Variants in PRKN observed in about 807,000 individuals in gnomAD.
PRKN encodes the protein E3 ubiquitin-protein ligase parkin.
PRKN carries 56 observed loss-of-function variants against 59.5 expected under a neutral mutation model. The observed-to-expected ratio is 0.94, with a 90% CI of 0.76 to 1.18. The LOEUF is 1.18. Ranked by LOEUF, PRKN falls within the 50% of genes most tolerant of loss-of-function variation. The probability of loss-of-function intolerance (pLI) is 0.00; values close to 1 mark genes in which losing one functional copy is unlikely to be tolerated. For synonymous variants in PRKN, 250 were observed against 222.1 expected, an observed-to-expected ratio of 1.13 and a Z score of -1.12; for missense variants, 657 against 596.4, an observed-to-expected ratio of 1.10 and a Z score of -1.06.
intron 1 of PRKN, among the ~76,000 whole-genome samples, chr6:162,517,222 G>C (rs549353026): frequency 2.0e-5 from 3 of 151,476 alleles, no homozygotes; most frequent in Admixed American, 6.6e-5. Context: ...GGGGTGGGGT[G>C]GGGGAGGGCT....
chr6:162,491,713 A>G (rs1338706831), intron 1 of PRKN, among the ~76,000 whole-genome samples: 1 of 152,164 alleles, frequency 6.6e-6, no homozygotes. Flanking sequence ...TTTGAGGCCC[A>G]TTCGTCACAG....
chr6:162,347,224 A>G (rs1442857109), intron 2 of PRKN, among the ~76,000 whole-genome samples: 5 of 150,110 alleles, frequency 3.3e-5, no homozygotes, highest in Admixed American at 3.3e-4. Flanking sequence ...TGCTTAGTTC[A>G]CTAATTTTCA....
chr6:162,450,230 TGTG>T (rs1562773715), intron 1 of PRKN, among the ~76,000 whole-genome samples: 2 of 151,080 alleles, frequency 1.3e-5, no homozygotes. Flanking sequence ...ATAATGCCCC[TGTG>T]ACAGTAAATC....
At chr6:162,088,892 T>C (rs1779361915) in intron 4 of PRKN, among the ~76,000 whole-genome samples, 1 of 152,088 alleles carries the variant, frequency 6.6e-6, no homozygotes, top group South Asian at 2.1e-4. Context: ...CTACATCACA[T>C]TACATATAAA....
intron 1 of PRKN, among the ~76,000 whole-genome samples, chr6:162,556,384 T>TGTGTGTGTGA (rs1206370254): frequency 8.6e-6 from 1 of 115,870 alleles, no homozygotes; most frequent in African/African-American, 2.7e-5. Flanking sequence ...TGTGTGTGTG[T>TGTGTGTGTGA]GTGTGTGTGT....
chr6:162,663,912 T>C (rs1261460607), intron 1 of PRKN, among the ~76,000 whole-genome samples: 2 of 152,184 alleles, frequency 1.3e-5, no homozygotes, highest in East Asian at 3.9e-4. Flanking sequence ...TTTTGAATAT[T>C]TTATTTCCTC....
Position 161,683,428 on chromosome 6 carries a change from C to T in PRKN, c.871+102344G>A, listed in dbSNP as rs375016943. The stretch of plus-strand genomic sequence containing the variant: ...TCCATTCTAATTGTAAAACAAGTGG[C>T]AAGAGCTAGGCATCTCTGGGACTCC... On this transcript the variant is annotated intron_variant, in intron 7 of 11. Coordinates refer to ENST00000366898, the MANE Select transcript of PRKN (RefSeq NM_004562.3). Among the ~76,000 whole-genome samples the T allele has an allele frequency of 1.4e-4, 22 of 152,348 alleles. No homozygotes were observed. In the South Asian group the frequency reaches 4.6e-3, roughly 32 times the overall value.
rs927255049 is a variant in PRKN at position 162,365,155 on chromosome 6, CAA to C, written c.171+78153_171+78154del. On this transcript the variant is annotated intron_variant, in intron 2 of 11. Transcript: ENST00000366898. ...AAATCCATAATTTAAAAAAATCACACAAAAGTGTATAAAGTAAAAAGTCAAAG... is the reference window on the plus strand; with the variant it reads ...AAATCCATAATTTAAAAAAATCACACAAGTGTATAAAGTAAAAAGTCAAAG... Among the ~76,000 whole-genome samples, 84 of 151,904 alleles carry C rather than the reference CAA, an allele frequency of 5.5e-4. 1 individual carries two copies. Among genetic ancestry groups the C allele is most frequent in the African/African-American group, 1.9e-3 (79 of 41,438 alleles).
intron 4 of PRKN, among the ~76,000 whole-genome samples, chr6:162,192,368 C>T (rs1432212265): frequency 1.4e-5 from 2 of 145,990 alleles, no homozygotes; most frequent in Non-Finnish European, 3.0e-5. Flanking sequence ...ATACAAATAT[C>T]ATAACAATTA....
intron 9 of PRKN, among the ~76,000 whole-genome samples, chr6:161,528,419 C>T (rs1333657788): frequency 6.6e-6 from 1 of 152,132 alleles, no homozygotes; most frequent in Non-Finnish European, 1.5e-5. Context: ...GAGAGGTGAG[C>T]AGTCTTGAAG....
intron 1 of PRKN, among the ~76,000 whole-genome samples, chr6:162,561,629 G>C (rs1002156046): frequency 6.6e-6 from 1 of 152,174 alleles, no homozygotes; most frequent in Non-Finnish European, 1.5e-5. Flanking sequence ...CCCTTACTGG[G>C]GGCGAAGAGC....
chr6:162,467,052 T>C (rs1003500145), intron 1 of PRKN, among the ~76,000 whole-genome samples: 6 of 152,208 alleles, frequency 3.9e-5, no homozygotes, highest in Non-Finnish European at 8.8e-5. Flanking sequence ...CTGGATTCTA[T>C]TATTACGTTT....
Position 161,351,805 on chromosome 6 carries a change from G to C in PRKN, c.1286-1594C>G, listed in dbSNP as rs374141851. ...TGCTATAGAATTTCCCCAAGGTGAA[G>C]CACTTTTAAATGGTGAAGACAATGA... On this transcript the variant is annotated intron_variant, in intron 11 of 11. Transcript: ENST00000366898. Among the ~76,000 whole-genome samples, 22 of 152,290 alleles carry C rather than the reference G, an allele frequency of 1.4e-4. No individual in the cohort carries two copies. The East Asian group carries it at 3.1e-3, about 21-fold the overall frequency.
rs567061008 is a variant in PRKN at position 162,260,340 on chromosome 6, G to A, written c.412+2185C>T. On this transcript the variant is annotated intron_variant, in intron 3 of 11. Coordinates refer to ENST00000366898, the MANE Select transcript of PRKN (RefSeq NM_004562.3). ...TCATAGATCATACAGTACTCTGAAG[G>A]CTGCTGTCATTTACCACATTCCATA... Among the ~76,000 whole-genome samples, 41 of 152,224 alleles carry A rather than the reference G, an allele frequency of 2.7e-4. 1 individual carries two copies. Among genetic ancestry groups the A allele is most frequent in the African/African-American group, 9.1e-4 (38 of 41,546 alleles).
At chr6:162,504,665 C>T (rs1022343758) in intron 1 of PRKN, among the ~76,000 whole-genome samples, 1 of 152,042 alleles carries the variant, frequency 6.6e-6, no homozygotes, top group Non-Finnish European at 1.5e-5. Context: ...TATAGGAAGG[C>T]TTTATTTTAA....
intron 7 of PRKN, among the ~76,000 whole-genome samples, chr6:161,767,007 C>T (rs1365798588): frequency 6.6e-6 from 1 of 152,028 alleles, no homozygotes; most frequent in Admixed American, 6.6e-5. Flanking sequence ...TGGTAATGTA[C>T]GCAAAAGGCC....
At chr6:162,531,381 G>A (rs1272079582) in intron 1 of PRKN, among the ~76,000 whole-genome samples, 3 of 152,150 alleles carry the variant, frequency 2.0e-5, no homozygotes, top group Admixed American at 6.5e-5. Context: ...TTCACGCAGA[G>A]CCGGCTGTGC....
chr6:161,516,987 T>C (rs1778634493), intron 9 of PRKN, among the ~76,000 whole-genome samples: 1 of 152,196 alleles, frequency 6.6e-6, no homozygotes, highest in African/African-American at 2.4e-5. Flanking sequence ...TCCACAGGTT[T>C]AATGATTAAT....
intron 7 of PRKN, among the ~76,000 whole-genome samples, chr6:161,641,700 G>A (rs973548693): frequency 6.6e-6 from 1 of 152,186 alleles, no homozygotes; most frequent in Non-Finnish European, 1.5e-5. Context: ...TATAGGATGA[G>A]GAACTCAAAC....
Sources: allele counts gnomAD v4.1 joint callset (sites outside exome capture counted in the v4.1 genomes callset), GRCh38; gene constraint gnomAD v4.1.1; transcripts MANE v1.5; gene names NCBI Gene and HGNC (gene_info 2026-07-23, HGNC 2026-07-21).